Variants in TBL1X observed in about 807,000 individuals in gnomAD.
The protein encoded by TBL1X is F-box-like/WD repeat-containing protein TBL1X.
A neutral mutation model predicts 50.7 loss-of-function variants in TBL1X; 10 were observed. That is an observed-to-expected ratio of 0.20 (90% CI 0.12 to 0.33). The LOEUF (loss-of-function observed/expected upper bound fraction) is 0.33. Ranked by LOEUF, TBL1X falls within the 10% of genes least tolerant of loss-of-function variation. The pLI, the probability that TBL1X is intolerant of heterozygous loss-of-function variation, is 1.00. For missense variants in TBL1X, 340 were observed against 504.4 expected (o/e 0.67, Z 3.12); for synonymous variants, 190 against 214.7 (o/e 0.88, Z 1.01).
intron 1 of TBL1X, among the ~76,000 whole-genome samples, chrX:9,481,481 A>G (rs757640807): frequency 8.9e-6 from 1 of 112,320 alleles, no homozygotes; most frequent in East Asian, 2.8e-4. Flanking sequence ...TTAATTTATG[A>G]TGTTATAGTT....
At chrX:9,473,461 G>A (rs2081830111) in intron 1 of TBL1X, among the ~76,000 whole-genome samples, 1 of 112,150 alleles carries the variant, frequency 8.9e-6, no homozygotes, top group South Asian at 3.7e-4. Context: ...AGGAAGTCGG[G>A]TACTGTTTCC....
At chrX:9,684,942 G>A (rs1003026261) in intron 6 of TBL1X, among the ~76,000 whole-genome samples, 1 of 112,662 alleles carries the variant, frequency 8.9e-6, no homozygotes, top group Non-Finnish European at 1.9e-5. Context: ...AGCAGAACCC[G>A]GCAGAGGGCA....
At chrX:9,493,332 G>T (rs187253277) in intron 1 of TBL1X, among the ~76,000 whole-genome samples, 25 of 111,670 alleles carry the variant, frequency 2.2e-4, no homozygotes, top group African/African-American at 5.9e-4. Flanking sequence ...CTGTTCTCTC[G>T]GCCCACTTGT....
intron 2 of TBL1X, among the ~76,000 whole-genome samples, chrX:9,564,395 T>C (rs2082338262): frequency 9.3e-6 from 1 of 107,839 alleles, no homozygotes; most frequent in South Asian, 4.0e-4. Context: ...ACAAAGGTGT[T>C]TTCAGGGCAG....
chrX:9,535,297 GGAAAC>G (rs1215298126), intron 2 of TBL1X, among the ~76,000 whole-genome samples: 6 of 112,517 alleles, frequency 5.3e-5, no homozygotes, highest in African/African-American at 9.7e-5. Flanking sequence ...TCCCCTGTAA[GGAAAC>G]GAAATCATCG....
intron 1 of TBL1X, among the ~76,000 whole-genome samples, chrX:9,491,912 C>T (rs1199518249): frequency 1.8e-5 from 2 of 111,516 alleles, no homozygotes; most frequent in Non-Finnish European, 3.8e-5. Flanking sequence ...GTTAAAGCTT[C>T]TCCATTCCCC....
intron 2 of TBL1X, among the ~76,000 whole-genome samples, chrX:9,592,504 A>T (rs760579711): frequency 8.9e-6 from 1 of 111,945 alleles, no homozygotes; most frequent in Non-Finnish European, 1.9e-5. Context: ...TACATTTGTA[A>T]GTGTACAATT....
At chrX:9,545,871 C>T (rs1229873762) in intron 2 of TBL1X, among the ~76,000 whole-genome samples, 1 of 111,795 alleles carries the variant, frequency 8.9e-6, no homozygotes. Flanking sequence ...TCTCTTTAGT[C>T]TTCTGTATTG....
At chrX:9,465,027 A>G (rs1192310373), upstream of TBL1X, 1 of 104,779 alleles carries the variant, frequency 9.5e-6, no homozygotes, top group Non-Finnish European at 2.0e-5. Flanking sequence ...GCGGGGGCGG[A>G]CCCCTGGCGG....
At chrX:9,577,603 A>G (rs759961556) in intron 2 of TBL1X, among the ~76,000 whole-genome samples, 3 of 112,267 alleles carry the variant, frequency 2.7e-5, no homozygotes, top group East Asian at 2.8e-4. Flanking sequence ...ACACTGCTCA[A>G]CATCCCACAG....
intron 2 of TBL1X, among the ~76,000 whole-genome samples, chrX:9,556,814 G>GT (rs375510244): frequency 0.048 from 5,005 of 103,660 alleles, 100 homozygotes; most frequent in Non-Finnish European, 0.068. Flanking sequence ...TTTTGTTTTT[G>GT]TTTTTTTTTT....
intron 1 of TBL1X, among the ~76,000 whole-genome samples, chrX:9,466,868 T>C (rs1188969529): frequency 8.9e-6 from 1 of 112,461 alleles, no homozygotes; most frequent in Non-Finnish European, 1.9e-5. Flanking sequence ...GCTGGGTAAC[T>C]AATGCAAACA....
At chrX:9,520,224 C>G (rs1228929391) in intron 2 of TBL1X, among the ~76,000 whole-genome samples, 4 of 112,414 alleles carry the variant, frequency 3.6e-5, no homozygotes, top group African/African-American at 1.3e-4. Context: ...GCAAATCCCA[C>G]TTACACTGCA....
intron 2 of TBL1X, among the ~76,000 whole-genome samples, chrX:9,556,313 G>C (rs2082299323): frequency 9.0e-6 from 1 of 111,133 alleles, no homozygotes; most frequent in Admixed American, 9.6e-5. Context: ...TGTGGCTGCT[G>C]TAACAAACTA....
intron 1 of TBL1X, among the ~76,000 whole-genome samples, chrX:9,475,715 T>C (rs780629001): frequency 6.7e-4 from 75 of 111,594 alleles, no homozygotes; most frequent in African/African-American, 2.3e-3. Flanking sequence ...TTGCTTAGAA[T>C]GGCTGAAGGT....
In TBL1X at chrX:9,684,208, G is replaced by A. The variant is rs199671863; in HGVS notation, c.357+20G>A. ...AACGAGGTACGTAGCTGCTGGGCCCGGCCCCCAAACAGCAGAGCCCTGGGA... is the reference window on the plus strand; with the variant it reads ...AACGAGGTACGTAGCTGCTGGGCCCAGCCCCCAAACAGCAGAGCCCTGGGA... On this transcript the variant is annotated intron_variant, in intron 6 of 17. Coordinates refer to ENST00000645353, the MANE Select transcript of TBL1X (RefSeq NM_005647.4). 5.5e-5 allele frequency: 67 copies of A among 1,208,852 alleles called. No homozygotes were observed. Among genetic ancestry groups the A allele is most frequent in the African/African-American group, 7.0e-5 (4 of 57,183 alleles).
At chrX:9,599,364 G>A (rs2082542944) in intron 2 of TBL1X, among the ~76,000 whole-genome samples, 1 of 112,310 alleles carries the variant, frequency 8.9e-6, no homozygotes. Context: ...AGGTGTTAGG[G>A]CTTCAACATA....
At chrX:9,486,709 C>T (rs569703390) in intron 1 of TBL1X, among the ~76,000 whole-genome samples, 19 of 110,255 alleles carry the variant, frequency 1.7e-4, no homozygotes, top group Middle Eastern at 9.3e-3. Context: ...CAAGCTATGC[C>T]CCAACCGCCT....
chrX:9,530,077 A>G (rs1253178811), intron 2 of TBL1X, among the ~76,000 whole-genome samples: 2 of 111,965 alleles, frequency 1.8e-5, no homozygotes, highest in Non-Finnish European at 3.8e-5. Context: ...TGGGGAAAGC[A>G]CTTCTGAGCT....
Sources: allele counts gnomAD v4.1 joint callset (sites outside exome capture counted in the v4.1 genomes callset), GRCh38; gene constraint gnomAD v4.1.1; transcripts MANE v1.5; gene names NCBI Gene and HGNC (gene_info 2026-07-23, HGNC 2026-07-21).